Variants in KTN1 observed in about 807,000 individuals in gnomAD.
KTN1 encodes kinectin 1, also known as kinectin.
In KTN1, 130 loss-of-function variants were observed where a neutral mutation model predicts 222.5. That is an observed-to-expected ratio of 0.58 (90% CI 0.51 to 0.68). The LOEUF (loss-of-function observed/expected upper bound fraction) is 0.68. Ranked by LOEUF, KTN1 falls within the 30% of genes least tolerant of loss-of-function variation. The probability of loss-of-function intolerance (pLI) is 0.00; values close to 1 mark genes in which losing one functional copy is unlikely to be tolerated. For synonymous variants in KTN1, 512 were observed against 496.3 expected (o/e 1.03, Z -0.42); for missense variants, 1,508 against 1,500.4 (o/e 1.01, Z -0.08).
intron 31 of KTN1, among the ~76,000 whole-genome samples, chr14:55,660,751 T>G (rs762938873): frequency 6.6e-6 from 1 of 152,212 alleles, no homozygotes; most frequent in Non-Finnish European, 1.5e-5. Flanking sequence ...TAGGTCTGTT[T>G]TATACATGTG....
At chr14:55,683,929 C>G (rs2046577138) in intron 43 of KTN1, among the ~76,000 whole-genome samples, 170 bp from the exon 44 acceptor site, 2 of 151,882 alleles carry the variant, frequency 1.3e-5, no homozygotes, top group Non-Finnish European at 2.9e-5. Context: ...CCTTTGAATC[C>G]TGAGATTTTT....
intron 43 of KTN1, chr14:55,680,603 G>A (rs535706772): frequency 1.5e-6 from 1 of 675,550 alleles, no homozygotes; most frequent in Admixed American, 1.9e-5. Context: ...GCTATACAAG[G>A]CCTCAGGGAG....
chr14:55,581,038 C>T (rs891289219), intron 1 of KTN1, among the ~76,000 whole-genome samples: 1 of 152,240 alleles, frequency 6.6e-6, no homozygotes, highest in African/African-American at 2.4e-5. Flanking sequence ...GTTATCCCTT[C>T]CTGTCCCCGA....
At chr14:55,644,074 T>C (rs947634236) in intron 18 of KTN1, among the ~76,000 whole-genome samples, 1 of 152,198 alleles carries the variant, frequency 6.6e-6, no homozygotes, top group Non-Finnish European at 1.5e-5. Flanking sequence ...TTTTTATTAA[T>C]AGTCTAGAAA....
chr14:55,652,041 T>C (rs1179010111), intron 25 of KTN1, 114 bp downstream of exon 25: 1 of 681,804 alleles, frequency 1.5e-6, no homozygotes, highest in African/African-American at 1.9e-5. Flanking sequence ...AATACGAAAA[T>C]ACTGATTATC....
intron 21 of KTN1, among the ~76,000 whole-genome samples, chr14:55,649,186 T>G (rs2141093954): frequency 6.6e-6 from 1 of 152,332 alleles, no homozygotes; most frequent in South Asian, 2.1e-4. Flanking sequence ...CTTAGCTTCC[T>G]AAAGTGTTGG....
intron 12 of KTN1, 58 bp from the exon 13 acceptor site, chr14:55,639,127 T>C: frequency 9.1e-7 from 1 of 1,103,142 alleles, no homozygotes. Context: ...ATGATTATTG[T>C]ATAGCTATAA....
chr14:55,604,110 C>G (rs2036392937), intron 1 of KTN1, among the ~76,000 whole-genome samples: 1 of 152,196 alleles, frequency 6.6e-6, no homozygotes, highest in Non-Finnish European at 1.5e-5. Context: ...AGCCACAATC[C>G]TTTTCCTGTA....
At chr14:55,663,202 C>T (rs989325248) in intron 32 of KTN1, 3 of 201,110 alleles carry the variant, frequency 1.5e-5, no homozygotes, top group East Asian at 2.4e-4. Context: ...TTTTATTTTT[C>T]GTTGTTGGTT....
At chr14:55,592,104 A>T (rs1330650725) in intron 1 of KTN1, among the ~76,000 whole-genome samples, 1 of 152,174 alleles carries the variant, frequency 6.6e-6, no homozygotes, top group Non-Finnish European at 1.5e-5. Flanking sequence ...AAAGTTAAAA[A>T]TTTTAATGTA....
At chr14:55,624,100 C>T (rs1451261050) in intron 5 of KTN1, among the ~76,000 whole-genome samples, 9 of 152,102 alleles carry the variant, frequency 5.9e-5, no homozygotes, top group Admixed American at 5.9e-4. Flanking sequence ...AGATTAAAAT[C>T]TTATTGTTCT....
chr14:55,592,692 AG>A lies in KTN1; in HGVS notation c.-31+12339del, dbSNP rs1252429837. On this transcript the variant is annotated intron_variant, in intron 1 of 43. Coordinates refer to ENST00000395314, the MANE Select transcript of KTN1 (RefSeq NM_001079521.2). ...CCTCCAGTCCCTATTTGACATCCTA[AG>A]TGTTTTGTAAATATTTCACAGTGAT... Among the ~76,000 whole-genome samples the A allele has an allele frequency of 5.3e-5, 8 of 152,308 alleles. No individual in the cohort carries two copies. In the East Asian group the frequency reaches 1.5e-3, roughly 29 times the overall value.
chr14:55,631,343 T>TAG (rs2040497429), intron 7 of KTN1, among the ~76,000 whole-genome samples: 1 of 99,016 alleles, frequency 1.0e-5, no homozygotes, highest in South Asian at 3.5e-4. Context: ...ATAAGGTTGA[T>TAG]ATATATATAT....
intron 29 of KTN1, chr14:55,656,403 A>G (rs2043478289): frequency 9.5e-6 from 3 of 315,174 alleles, no homozygotes; most frequent in Non-Finnish European, 1.7e-5. Flanking sequence ...AGATCTTTCC[A>G]TATAAAGCAC....
At chr14:55,607,515 T>C (rs539206082) in intron 1 of KTN1, 1 of 152,292 alleles carries the variant, frequency 6.6e-6, no homozygotes, top group East Asian at 1.9e-4. Context: ...TTTATCAGTT[T>C]CTTGAAAGAT....
At chr14:55,587,610 C>T (rs1195226167) in intron 1 of KTN1, among the ~76,000 whole-genome samples, 1 of 152,266 alleles carries the variant, frequency 6.6e-6, no homozygotes, top group Non-Finnish European at 1.5e-5. Flanking sequence ...CCTGTACTTG[C>T]CTACTTTATT....
Position 55,672,676 on chromosome 14 carries a change from G to C in KTN1, c.3578G>C (p.Arg1193Thr). Residue 1193 changes from arginine (R) to threonine (T), a missense_variant, in exon 38 of 44, where the codon AGA becomes ACA. Physicochemically the swap from Arg to Thr is moderately conservative, Grantham distance 71. Transcript: ENST00000395314. ...TCAGAACAAGAGCTAGAGCGATTAA[G>C]AAGCGAAAATAAGGATATTGAAAAT... The part of the protein sequence containing the change: ...TSSEQELERL[R>T]SENKDIENLR... The C allele has an allele frequency of 6.2e-7, 1 of 1,604,070 alleles. No homozygotes were observed. Among genetic ancestry groups the C allele is most frequent in the Non-Finnish European group, 8.5e-7 (1 of 1,171,434 alleles).
chr14:55,627,426 T>A (rs577863956), intron 5 of KTN1, among the ~76,000 whole-genome samples: 4 of 152,288 alleles, frequency 2.6e-5, no homozygotes, highest in South Asian at 4.1e-4. Context: ...AATTTTTTTT[T>A]AATCTTAGCA....
At chr14:55,624,738 G>A (rs891374111) in intron 5 of KTN1, among the ~76,000 whole-genome samples, 12 of 152,186 alleles carry the variant, frequency 7.9e-5, no homozygotes, top group South Asian at 4.1e-4. Context: ...GAAGAGGAGC[G>A]AAGTGGTGGG....
Sources: gnomAD v4.1 joint callset for allele counts (sites outside exome capture counted in the v4.1 genomes callset) on GRCh38, gnomAD v4.1.1 for gene constraint, MANE v1.5 for transcripts, NCBI Gene and HGNC (gene_info 2026-07-23, HGNC 2026-07-21) for gene names.